Variants in CARS2 observed in about 807,000 individuals in gnomAD.
The protein encoded by CARS2 is probable cysteine--tRNA ligase, mitochondrial.
CARS2 carries 52 observed loss-of-function variants against 68.8 expected under a neutral mutation model. That is an observed-to-expected ratio of 0.76 (90% CI 0.61 to 0.95). CARS2 has a LOEUF of 0.95. CARS2 is among the 40% of genes least tolerant of loss of function. The probability of loss-of-function intolerance (pLI) is 0.00; values close to 1 mark genes in which losing one functional copy is unlikely to be tolerated. For synonymous variants in CARS2, 314 were observed against 303.6 expected (o/e 1.03, Z -0.36); for missense variants, 780 against 754.2 (o/e 1.03, Z -0.40).
At chr13:110,675,032 T>C (rs191025134) in intron 7 of CARS2, among the ~76,000 whole-genome samples, 26,116 of 60,038 alleles carry the variant, frequency 0.43, 2,500 homozygotes, top group Admixed American at 0.55. Flanking sequence ...CCAGTTTGAA[T>C]GGCAATCATT....
At chr13:110,692,527 A>C (rs2063501214) in intron 3 of CARS2, among the ~76,000 whole-genome samples, 1 of 151,092 alleles carries the variant, frequency 6.6e-6, no homozygotes, top group African/African-American at 2.4e-5. Context: ...AGTCCCTCTC[A>C]ATATTCATCT....
exon 1 of CARS2, chr13:110,713,248 G>C (rs773670810): frequency 2.2e-4 from 294 of 1,353,468 alleles, no homozygotes; most frequent in Non-Finnish European, 2.6e-4. Context: ...CTGCTCTGTG[G>C]GGCGGGGACG....
intron 9 of CARS2, among the ~76,000 whole-genome samples, chr13:110,657,543 T>C (rs972635106): frequency 3.9e-5 from 6 of 152,166 alleles, no homozygotes; most frequent in African/African-American, 1.2e-4. Flanking sequence ...CAAAAGATAA[T>C]GACTGAATTG....
chr13:110,642,756 C>T (rs762998355), intron 13 of CARS2: 12 of 743,568 alleles, frequency 1.6e-5, no homozygotes, highest in East Asian at 5.0e-5. Context: ...GCTGAGTGAT[C>T]CTCACTCGGG....
intron 2 of CARS2, among the ~76,000 whole-genome samples, chr13:110,703,676 T>A (rs2063856695): frequency 6.6e-6 from 1 of 152,250 alleles, no homozygotes; most frequent in African/African-American, 2.4e-5. Flanking sequence ...TAAATAAACC[T>A]CTTGGCAGTT....
chr13:110,659,114 G>C (rs1305715618), intron 9 of CARS2, among the ~76,000 whole-genome samples: 1 of 151,794 alleles, frequency 6.6e-6, no homozygotes, highest in African/African-American at 2.4e-5. Context: ...TTATATACAG[G>C]TGTCCATGTG....
chr13:110,642,901 C>T (rs549869394), intron 13 of CARS2: 54 of 443,590 alleles, frequency 1.2e-4, no homozygotes, highest in African/African-American at 8.5e-4. Flanking sequence ...AGCGACTGAG[C>T]GCTTGCACAC....
chr13:110,653,619 C>A lies in CARS2; in HGVS notation c.988-2519G>T, dbSNP rs756005750. Reference sequence around the variant, plus strand: ...CAGAATTAGCCTCAATGTGTTTTCACGCATCTCATAGTTCTCTGAAACCCC... The same window carrying A: ...CAGAATTAGCCTCAATGTGTTTTCAAGCATCTCATAGTTCTCTGAAACCCC... On this transcript the variant is annotated intron_variant, in intron 9 of 14. Coordinates refer to ENST00000257347, the MANE Select transcript of CARS2 (RefSeq NM_024537.4). This position sits in a 1 kb window ranked among gnomAD's most constrained non-coding sequence, Gnocchi z 5.6. Among the ~76,000 whole-genome samples, 8 of 152,212 alleles carry A rather than the reference C, an allele frequency of 5.3e-5. No individual in the cohort carries two copies. The highest frequency in any genetic ancestry group is 1.2e-4 in the Non-Finnish European group (8 of 68,038).
intron 9 of CARS2, among the ~76,000 whole-genome samples, chr13:110,657,273 C>T (rs376935250): frequency 9.8e-5 from 15 of 152,308 alleles, no homozygotes; most frequent in African/African-American, 3.6e-4. Context: ...TCTCCCTCTC[C>T]CCTAGCTCTG....
intron 1 of CARS2, among the ~76,000 whole-genome samples, chr13:110,711,962 G>A (rs1486962239): frequency 6.6e-6 from 1 of 152,244 alleles, no homozygotes; most frequent in Non-Finnish European, 1.5e-5. Flanking sequence ...AAGAGTTTTA[G>A]ATGTTACAAC....
chr13:110,642,777 A>C (rs1470342362), intron 13 of CARS2: 3 of 723,300 alleles, frequency 4.1e-6, no homozygotes, highest in Admixed American at 1.9e-5. Context: ...AGTTGGAAGA[A>C]AGGGCTGGGG....
rs753574371 is a variant in CARS2 at position 110,642,397 on chromosome 13, T to C, written c.1541A>G (p.Gln514Arg). The change falls in exon 14 of 15, where the codon CAG becomes CGG. Residue 514 changes from glutamine to arginine, a missense_variant. Coordinates refer to ENST00000257347, the MANE Select transcript of CARS2 (RefSeq NM_024537.4). ...MPEATGDARR[Q>R]QLLERQPLLE... Reference sequence around the variant, plus strand: ...CAGGGGCTGCCTTTCTAGGAGCTGCTGCCGCCGGGCGTCCCCCGTGGCCTC... The same window carrying C: ...CAGGGGCTGCCTTTCTAGGAGCTGCCGCCGCCGGGCGTCCCCCGTGGCCTC... The C allele has an allele frequency of 1.5e-5, 23 of 1,575,470 alleles. No homozygotes were observed. The highest frequency in any genetic ancestry group is 5.8e-5 in the South Asian group (5 of 86,402).
intron 3 of CARS2, chr13:110,697,997 T>C: frequency 2.2e-6 from 1 of 455,484 alleles, no homozygotes; most frequent in Non-Finnish European, 4.4e-6. Context: ...CTCTGTTCAC[T>C]CAACAAATGA....
At chr13:110,711,855 T>C (rs1366877796) in intron 1 of CARS2, among the ~76,000 whole-genome samples, 1 of 152,232 alleles carries the variant, frequency 6.6e-6, no homozygotes, top group African/African-American at 2.4e-5. Context: ...GGCAGGGCCC[T>C]GGAATGAGCA....
At position 110,687,729 on chromosome 13, in the gene CARS2, G is replaced by A. The variant is rs142034206; in HGVS notation, c.563C>T (p.Thr188Met). The A allele has an allele frequency of 7.2e-4, 1,141 of 1,578,396 alleles. No individual in the cohort carries two copies. The highest frequency in any genetic ancestry group is 9.4e-4 in the Non-Finnish European group (1,086 of 1,155,684). The change falls in exon 5 of 15, where the codon ACG (threonine) becomes ATG (methionine). Residue 188 changes from threonine to methionine, a missense_variant. Physicochemically the swap from Thr to Met is moderately conservative, Grantham distance 81. Coordinates refer to ENST00000257347, the MANE Select transcript of CARS2 (RefSeq NM_024537.4). ...AAGAACATAAACCCTACCTTTTGCC[G>A]TTGAATAAGCGTTCCCACGAGCAAT... ...GIIARGNAYS[T>M]AKGNVYFDLK...
chr13:110,669,071 C>A (rs546042596), intron 7 of CARS2, among the ~76,000 whole-genome samples: 1 of 152,058 alleles, frequency 6.6e-6, no homozygotes. Flanking sequence ...AAAAGTCAGG[C>A]CCATGCTTCC....
At position 110,706,066 on chromosome 13, in the gene CARS2, G is replaced by A. The variant is rs1206540276; in HGVS notation, c.28C>T (p.Leu10=). Residue 10 remains leucine, a synonymous_variant, in exon 1 of 15, where the codon CTG becomes TTG. Coordinates refer to ENST00000257347, the MANE Select transcript of CARS2 (RefSeq NM_024537.4). The part of the protein sequence containing the change: MLRTTRGPG[L]GPPLLQAALG... ...GCGGCCTGGAGCAGCGGGGGGCCCAGGCCTGGGCCGCGCGTAGTCCTCAAC... is the reference window on the plus strand; with the variant it reads ...GCGGCCTGGAGCAGCGGGGGGCCCAAGCCTGGGCCGCGCGTAGTCCTCAAC... 1 of 1,345,422 alleles carries A rather than the reference G, an allele frequency of 7.4e-7. No individual in the cohort carries two copies. Among genetic ancestry groups the A allele is most frequent in the Non-Finnish European group, 9.5e-7 (1 of 1,048,438 alleles). 83.3% of individuals were successfully genotyped at this position (1,345,422 alleles called of 1,614,324 possible).
intron 3 of CARS2, among the ~76,000 whole-genome samples, chr13:110,693,096 C>T (rs1327290848): frequency 4.7e-4 from 51 of 108,428 alleles, no homozygotes; most frequent in African/African-American, 1.9e-3. Flanking sequence ...GGTGACAGAG[C>T]GAGACTCTGT....
In CARS2 at chr13:110,668,300, T is replaced by C. The variant is rs977083726; in HGVS notation, c.786-827A>G. Among the ~76,000 whole-genome samples, 8 of 152,222 alleles carry C rather than the reference T, an allele frequency of 5.3e-5. No homozygotes were observed. The East Asian group carries it at 1.5e-3, about 29-fold the overall frequency. On this transcript the variant is annotated intron_variant, in intron 7 of 14. Coordinates refer to ENST00000257347, the MANE Select transcript of CARS2 (RefSeq NM_024537.4). This position sits in a 1 kb window ranked among gnomAD's most constrained non-coding sequence, Gnocchi z 4.1. Reference sequence around the variant, plus strand: ...GGCTCACGCCTGTAAACACAGCACTTTGGGAGGCTGAGGCAGGCGGATCAC... The same window carrying C: ...GGCTCACGCCTGTAAACACAGCACTCTGGGAGGCTGAGGCAGGCGGATCAC...
Sources: allele counts gnomAD v4.1 joint callset (sites outside exome capture counted in the v4.1 genomes callset), GRCh38; gene constraint gnomAD v4.1.1; non-coding constraint Gnocchi (gnomAD v3.1); transcripts MANE v1.5; gene names NCBI Gene and HGNC (gene_info 2026-07-23, HGNC 2026-07-21).